BRF1: variants seen among roughly 807,000 people sequenced by gnomAD.
BRF1 encodes BRF1 general transcription factor IIIB subunit, also known as transcription factor IIIB 90 kDa subunit.
A neutral mutation model predicts 81.7 loss-of-function variants in BRF1; 59 were observed. The ratio of observed to expected loss-of-function variants is 0.72; its 90% CI spans 0.59 to 0.90. The LOEUF is 0.90. Ranked by LOEUF, BRF1 falls within the 40% of genes least tolerant of loss-of-function variation. The pLI, the probability that BRF1 is intolerant of heterozygous loss-of-function variation, is 0.00. For synonymous variants in BRF1, 491 were observed against 395.6 expected, an observed-to-expected ratio of 1.24 and a Z score of -2.86; for missense variants, 1,050 against 936.3, an observed-to-expected ratio of 1.12 and a Z score of -1.58.
At chr14:105,249,620 G>A (rs777454423) in intron 5 of BRF1, 10 of 1,595,348 alleles carry the variant, frequency 6.3e-6, no homozygotes, top group Admixed American at 3.4e-5. Flanking sequence ...AGCCCCTGAC[G>A]CGGGCCCTGC....
rs1172536288 is a variant in BRF1, at chr14:105,286,369, G to C, written c.192C>G (p.Gly64=). 6.2e-7 allele frequency: 1 copy of C among 1,612,828 alleles called. No individual in the cohort carries two copies. The highest frequency in any genetic ancestry group is 2.2e-5 in the East Asian group (1 of 44,870). Residue 64 remains glycine (G), a synonymous_variant, in exon 2 of 18, where the codon GGC becomes GGG. Coordinates refer to ENST00000547530, the MANE Select transcript of BRF1 (RefSeq NM_001519.4). ...AGCCGCCACCCAGAGTCGGGGTTTT[G>C]CCAGCACCTGGAAACACAAAAAAAG... ...VGQFVSLDGA[G]KTPTLGGGFH...
At chr14:105,293,219 G>A (rs1026304181) in intron 1 of BRF1, among the ~76,000 whole-genome samples, 3 of 152,154 alleles carry the variant, frequency 2.0e-5, no homozygotes, top group African/African-American at 7.2e-5. Flanking sequence ...TGAGGCAGAG[G>A]GAGCTTCCCA....
At chr14:105,250,264 G>A (rs61740082) in intron 5 of BRF1, 1 of 1,613,132 alleles carries the variant, frequency 6.2e-7, no homozygotes, top group Non-Finnish European at 8.5e-7. Context: ...GCAGCAACCA[G>A]TGGCGGTACC....
intron 1 of BRF1, among the ~76,000 whole-genome samples, chr14:105,292,967 A>G (rs894318823): frequency 6.6e-6 from 1 of 152,222 alleles, no homozygotes; most frequent in Non-Finnish European, 1.5e-5. Context: ...TACGGAAAAC[A>G]GGACGTGTGT....
chr14:105,214,972 G>A (rs587740953), intron 15 of BRF1, among the ~76,000 whole-genome samples: 1 of 152,300 alleles, frequency 6.6e-6, no homozygotes, highest in East Asian at 1.9e-4. Context: ...CCTCTCCCCT[G>A]CCCCGCTGGA....
intron 3 of BRF1, among the ~76,000 whole-genome samples, chr14:105,267,266 C>T (rs2056459032): frequency 6.6e-6 from 1 of 152,188 alleles, no homozygotes; most frequent in African/African-American, 2.4e-5. Flanking sequence ...GCTGGGTGTG[C>T]CGGTGTTTCC....
chr14:105,247,005 T>C, intron 5 of BRF1: 3 of 985,474 alleles, frequency 3.0e-6, no homozygotes, highest in Non-Finnish European at 3.6e-6. Flanking sequence ...CTGTTGCTGA[T>C]GGACATGTAG....
chr14:105,255,956 G>A (rs888516938), intron 4 of BRF1, among the ~76,000 whole-genome samples: 3 of 151,954 alleles, frequency 2.0e-5, no homozygotes, highest in East Asian at 1.9e-4. Context: ...GCAAGACCCC[G>A]TCTCTACTAA....
chr14:105,241,273 C>T lies in BRF1; in HGVS notation c.686G>A (p.Cys229Tyr), dbSNP rs778146369. Residue 229 changes from cysteine to tyrosine, a missense_variant, in exon 6 of 18, where the codon TGC becomes TAC. Around this residue, in one of 2 missense-constraint regions of BRF1, gnomAD observed 1,043 missense variants for 915.4 expected, o/e 1.14. Coordinates refer to ENST00000547530, the MANE Select transcript of BRF1 (RefSeq NM_001519.4). ...MHTGRRPSGLCGAALLVAARM... is the reference protein window; with the variant it reads ...MHTGRRPSGLYGAALLVAARM... ...GGCAGGGCCCGCTGTACCTGCTCCG[C>T]AGAGGCCCGAGGGGCGCCGGCCTGT... 1.2e-6 allele frequency: 2 copies of T among 1,611,782 alleles called. No homozygotes were observed. Among genetic ancestry groups the T allele is most frequent in the Non-Finnish European group, 1.7e-6 (2 of 1,179,768 alleles).
rs1286677771 is a variant in BRF1, at chr14:105,209,795, C to T, written c.*756G>A. 5.7e-6 allele frequency: 3 copies of T among 525,686 alleles called. No individual in the cohort carries two copies. The highest frequency in any genetic ancestry group is 4.0e-5 in the African/African-American group (2 of 50,232). The allele number at this position is 525,686 out of a possible 1,614,324, so 32.6% of individuals were successfully genotyped here. On this transcript the variant is annotated 3_prime_UTR_variant, in exon 18 of 18. Transcript: ENST00000547530. ...CAGGACGGGTGGGCGCCGGTCTCAGCTGTCGGGCACTCAGTTCACCTGCCG... is the reference window on the plus strand; with the variant it reads ...CAGGACGGGTGGGCGCCGGTCTCAGTTGTCGGGCACTCAGTTCACCTGCCG...
intron 16 of BRF1, chr14:105,211,590 A>C: frequency 2.3e-6 from 1 of 435,026 alleles, no homozygotes; most frequent in Non-Finnish European, 4.1e-6. Flanking sequence ...TCCAGACCAT[A>C]GGCCTCGGCC....
chr14:105,251,677 G>T (rs2140302911), intron 5 of BRF1, among the ~76,000 whole-genome samples: 1 of 152,200 alleles, frequency 6.6e-6, no homozygotes, highest in East Asian at 1.9e-4. Context: ...CCCACCTGGT[G>T]CTTCTCTACC....
intron 1 of BRF1, among the ~76,000 whole-genome samples, chr14:105,296,141 G>T (rs1010430595): frequency 6.6e-6 from 1 of 151,294 alleles, no homozygotes; most frequent in African/African-American, 2.4e-5. Flanking sequence ...GGCCAGGTGT[G>T]GTGGCTCACA....
chr14:105,265,833 A>G (rs11624880), intron 3 of BRF1, among the ~76,000 whole-genome samples: 41,551 of 150,150 alleles, frequency 0.28, 5,927 homozygotes, highest in Middle Eastern at 0.3. Context: ...CCCGCGAGGC[A>G]GAGCTTGTAG....
At chr14:105,241,511 C>T in intron 5 of BRF1, 97 bp from the exon 6 acceptor site, 1 of 1,496,204 alleles carries the variant, frequency 6.7e-7, no homozygotes, top group Non-Finnish European at 9.0e-7. Context: ...CTGCACTTGT[C>T]TTTCCAGGCC....
intron 5 of BRF1, among the ~76,000 whole-genome samples, chr14:105,242,855 C>A (rs895411544): frequency 6.6e-6 from 1 of 151,994 alleles, no homozygotes; most frequent in African/African-American, 2.4e-5. Flanking sequence ...GCGGCTTACG[C>A]CTGTAATCCC....
intron 3 of BRF1, among the ~76,000 whole-genome samples, chr14:105,263,867 G>C (rs2056279240): frequency 1.3e-5 from 2 of 151,542 alleles, no homozygotes; most frequent in Non-Finnish European, 2.9e-5. Flanking sequence ...GGAGCTTGCA[G>C]TGAGCAGAGA....
intron 1 of BRF1, among the ~76,000 whole-genome samples, chr14:105,306,341 TC>T (rs1462747759): frequency 1.3e-5 from 2 of 152,116 alleles, no homozygotes. Context: ...TCTTGCTCTG[TC>T]CCCCAGGCTG....
intron 4 of BRF1, among the ~76,000 whole-genome samples, chr14:105,252,811 G>GC (rs2055685327): frequency 6.6e-6 from 1 of 152,174 alleles, no homozygotes; most frequent in Admixed American, 6.5e-5. Flanking sequence ...GCCAATGATG[G>GC]CATCTGCTTA....
Sources: gnomAD v4.1 joint callset for allele counts (sites outside exome capture counted in the v4.1 genomes callset) on GRCh38, gnomAD v4.1.1 for gene constraint, gnomAD v4.1.1 regional missense constraint, MANE v1.5 for transcripts, NCBI Gene and HGNC (gene_info 2026-07-23, HGNC 2026-07-21) for gene names.